Variants in COL4A2 observed in about 807,000 individuals in gnomAD.
COL4A2 encodes collagen alpha-2(IV) chain.
COL4A2 carries 99 observed loss-of-function variants against 200.2 expected under a neutral mutation model. The observed-to-expected ratio is 0.49, with a 90% CI of 0.42 to 0.58. The LOEUF (loss-of-function observed/expected upper bound fraction) is 0.58. Ranked by LOEUF, COL4A2 falls within the 20% of genes least tolerant of loss-of-function variation. COL4A2 has a pLI of 0.00. For missense variants in COL4A2, 1,950 were observed against 2,314.1 expected, an observed-to-expected ratio of 0.84 and a Z score of 3.23; for synonymous variants, 897 against 900.6, an observed-to-expected ratio of 1.00 and a Z score of 0.07.
At chr13:110,333,970 G>A (rs1278736235) in intron 3 of COL4A2, among the ~76,000 whole-genome samples, 2 of 152,184 alleles carry the variant, frequency 1.3e-5, no homozygotes, top group African/African-American at 4.8e-5. Flanking sequence ...AGAAAGTCAG[G>A]TCATGGTGGG....
chr13:110,462,348 T>C lies in COL4A2; in HGVS notation c.1740T>C (p.Asp580=), dbSNP rs745914600. 6.2e-7 allele frequency: 1 copy of C among 1,613,836 alleles called. No individual in the cohort carries two copies. Among genetic ancestry groups the C allele is most frequent in the Non-Finnish European group, 8.5e-7 (1 of 1,180,046 alleles). The change falls in exon 24 of 48, where the codon GAT becomes GAC. Residue 580 remains aspartate, a synonymous_variant. Transcript: ENST00000360467. ...MKGDDGSPGR[D]GLDGFPGLPG... ...GTGACGATGGCAGCCCAGGCCGCGA[T>C]GGGCTCGATGGATTCCCCGGCCTCC...
intron 3 of COL4A2, among the ~76,000 whole-genome samples, chr13:110,310,567 A>G (rs1429482755): frequency 3.3e-5 from 5 of 152,250 alleles, no homozygotes; most frequent in Admixed American, 6.5e-5. Context: ...CTGGTCTTCT[A>G]CTTACTCACT....
chr13:110,311,258 T>C (rs907154249), intron 3 of COL4A2, among the ~76,000 whole-genome samples: 1 of 152,186 alleles, frequency 6.6e-6, no homozygotes, highest in African/African-American at 2.4e-5. Context: ...CTAGACTCAG[T>C]GTGAACCCAG....
chr13:110,411,559 A>T (rs1879838010), intron 4 of COL4A2, among the ~76,000 whole-genome samples: 1 of 152,202 alleles, frequency 6.6e-6, no homozygotes, highest in Non-Finnish European at 1.5e-5. Flanking sequence ...TGAGCCGTGA[A>T]ATGGCTACAT....
At chr13:110,450,083 G>A (rs904830581) in intron 19 of COL4A2, among the ~76,000 whole-genome samples, 2 of 152,216 alleles carry the variant, frequency 1.3e-5, no homozygotes, top group Admixed American at 6.5e-5. Flanking sequence ...TTGTTGCCCA[G>A]TGTTGATCAC....
At chr13:110,320,231 G>A (rs908205683) in intron 3 of COL4A2, among the ~76,000 whole-genome samples, 8 of 152,194 alleles carry the variant, frequency 5.3e-5, no homozygotes, top group South Asian at 2.1e-4. Context: ...CGGGGCTGGC[G>A]GGTGGCACTG....
intron 3 of COL4A2, among the ~76,000 whole-genome samples, chr13:110,326,512 C>G (rs993628035): frequency 6.6e-6 from 1 of 152,198 alleles, no homozygotes; most frequent in Non-Finnish European, 1.5e-5. Flanking sequence ...TCTTCAGCCT[C>G]TCTTTCCCTT....
At chr13:110,407,038 G>C (rs1249412566) in intron 4 of COL4A2, among the ~76,000 whole-genome samples, 1 of 152,224 alleles carries the variant, frequency 6.6e-6, no homozygotes, top group African/African-American at 2.4e-5. Context: ...TCAGGGAAGA[G>C]GGCAGGGCAG....
chr13:110,452,409 G>A (rs868542920), intron 20 of COL4A2, among the ~76,000 whole-genome samples: 40 of 152,154 alleles, frequency 2.6e-4, no homozygotes, highest in Admixed American at 6.5e-4. Flanking sequence ...TGATCCGCCC[G>A]CCTCGGTCTC....
chr13:110,316,908 T>G (rs2035774491), intron 3 of COL4A2, among the ~76,000 whole-genome samples: 1 of 152,228 alleles, frequency 6.6e-6, no homozygotes. Flanking sequence ...GTATATTATA[T>G]GTAGAAAATA....
intron 4 of COL4A2, among the ~76,000 whole-genome samples, chr13:110,384,639 A>G (rs1396673450): frequency 6.6e-6 from 1 of 152,172 alleles, no homozygotes; most frequent in Non-Finnish European, 1.5e-5. Context: ...TCTCCTGCTC[A>G]TGCTCAAAGC....
rs1410367805 is a variant in COL4A2 at position 110,474,833 on chromosome 13, G to A, written c.2425+1683G>A. Among the ~76,000 whole-genome samples, 4 of 142,204 alleles carry A rather than the reference G, an allele frequency of 2.8e-5. 1 individual carries two copies. The highest frequency in any genetic ancestry group is 6.0e-5 in the Non-Finnish European group (4 of 66,644). 93.3% of individuals were successfully genotyped at this position (142,204 alleles called of 152,430 possible). ...ATCACACATGCACGTACCCACACAC[G>A]TGCCTGTGCATGCTCAAACATGATC... On this transcript the variant is annotated intron_variant, in intron 29 of 47. Coordinates refer to ENST00000360467, the MANE Select transcript of COL4A2 (RefSeq NM_001846.4).
chr13:110,455,810 G>A (rs998218104), intron 20 of COL4A2, among the ~76,000 whole-genome samples: 1 of 152,200 alleles, frequency 6.6e-6, no homozygotes, highest in Non-Finnish European at 1.5e-5. Context: ...CAAGCAGATA[G>A]CTGGGTTCTT....
chr13:110,345,722 G>T (rs746153600), intron 3 of COL4A2, among the ~76,000 whole-genome samples: 1 of 152,264 alleles, frequency 6.6e-6, no homozygotes, highest in African/African-American at 2.4e-5. Context: ...TCTATATTAG[G>T]GGTGGAGAAG....
At chr13:110,510,078 CATA>C (rs1399228079) in intron 47 of COL4A2, among the ~76,000 whole-genome samples, 1 of 152,226 alleles carries the variant, frequency 6.6e-6, no homozygotes, top group African/African-American at 2.4e-5. Flanking sequence ...GGCATCTCAG[CATA>C]ATAAGAGCTG....
At chr13:110,329,941 CCAACTTTT>C (rs1875823147) in intron 3 of COL4A2, among the ~76,000 whole-genome samples, 1 of 152,144 alleles carries the variant, frequency 6.6e-6, no homozygotes, top group Non-Finnish European at 1.5e-5. Context: ...TATGACGAGG[CCAACTTTT>C]CATCTGTTTA....
chr13:110,395,586 T>C (rs557846395), intron 4 of COL4A2, among the ~76,000 whole-genome samples: 5 of 152,376 alleles, frequency 3.3e-5, no homozygotes, highest in Non-Finnish European at 7.3e-5. Flanking sequence ...CAACTGGATA[T>C]AACATTTTGT....
In COL4A2 at chr13:110,333,831, A is replaced by C. The variant is rs61348445; in HGVS notation, c.100-23641A>C. Among the ~76,000 whole-genome samples the C allele has an allele frequency of 3.0e-3, 459 of 152,320 alleles. 5 individuals carry two copies. In the East Asian group the frequency reaches 0.041, roughly 14 times the overall value. On this transcript the variant is annotated intron_variant, in intron 3 of 47. Transcript: ENST00000360467. ...ATAATAAGAGCTCTTACCTTGTGTG[A>C]TAAGTTCTTATCACGATCTAGGTCC...
chr13:110,330,108 A>G (rs1374597991), intron 3 of COL4A2, among the ~76,000 whole-genome samples: 2 of 152,218 alleles, frequency 1.3e-5, no homozygotes, highest in Admixed American at 6.5e-5. Flanking sequence ...TAGACGGAGA[A>G]TGAGTTTTAC....
Sources: gnomAD v4.1 joint callset for allele counts (sites outside exome capture counted in the v4.1 genomes callset) on GRCh38, gnomAD v4.1.1 for gene constraint, MANE v1.5 for transcripts, NCBI Gene and HGNC (gene_info 2026-07-23, HGNC 2026-07-21) for gene names.